Variants in APOL3 observed in about 807,000 individuals in gnomAD.
The protein encoded by APOL3 is TNF-inducible protein CG12-1.
Under a neutral mutation model 11.6 loss-of-function variants are expected in APOL3, and 14 were observed. The observed-to-expected ratio is 1.21, with a 90% CI of 0.80 to 1.89. The LOEUF is 1.89. APOL3 is among the 40% of genes most tolerant of loss of function. APOL3 has a pLI of 0.00. For synonymous variants in APOL3, 192 were observed against 190.6 expected (o/e 1.01, Z -0.06); for missense variants, 483 against 492.1 (o/e 0.98, Z 0.17).
chr22:36,141,647 C>T, exon 3 of APOL3: 1 of 1,614,126 alleles, frequency 6.2e-7, no homozygotes, highest in Admixed American at 1.7e-5. Flanking sequence ...TTGCAGTCAG[C>T]CTGCTGGCTT....
intron 1 of APOL3, among the ~76,000 whole-genome samples, chr22:36,156,271 C>T (rs2012804179): frequency 6.6e-6 from 1 of 152,074 alleles, no homozygotes; most frequent in Non-Finnish European, 1.5e-5. Context: ...TTTTTATTTT[C>T]ATTTTTGCAG....
chr22:36,160,857 G>A (rs1019881482), exon 1 of APOL3: 3 of 1,613,166 alleles, frequency 1.9e-6, no homozygotes, highest in Admixed American at 1.7e-5. Flanking sequence ...TGCAAAACAG[G>A]ATGCTTCCCA....
chr22:36,148,915 G>T, intron 1 of APOL3, 131 bp downstream of exon 2: 1 of 891,116 alleles, frequency 1.1e-6, no homozygotes, highest in East Asian at 5.1e-5. Context: ...GCCTCTTTTG[G>T]GGCTCAGGGA....
chr22:36,157,544 A>G (rs1242529112), intron 1 of APOL3, among the ~76,000 whole-genome samples: 1 of 152,248 alleles, frequency 6.6e-6, no homozygotes, highest in African/African-American at 2.4e-5. Flanking sequence ...AGTTGGGAAG[A>G]CCTTTCGAAT....
intron 1 of APOL3, 24 bp from the exon 3 acceptor site, chr22:36,145,623 G>T (rs777464728): frequency 2.5e-6 from 4 of 1,611,846 alleles, no homozygotes; most frequent in Non-Finnish European, 2.5e-6. Flanking sequence ...AAAAGCATAA[G>T]ATTGGAAGAA....
intron 1 of APOL3, chr22:36,146,551 T>C (rs1178269827): frequency 6.6e-6 from 1 of 151,126 alleles, no homozygotes; most frequent in African/African-American, 2.5e-5. Context: ...TTGAAATATA[T>C]ATAATATATA....
upstream of APOL3, among the ~76,000 whole-genome samples, chr22:36,161,153 G>A (rs1245308643): frequency 1.3e-5 from 2 of 152,108 alleles, no homozygotes; most frequent in East Asian, 1.9e-4. Flanking sequence ...CCGGGTGGAC[G>A]CTTATTGCAT....
intron 1 of APOL3, chr22:36,159,560 T>C (rs1457633842): frequency 6.6e-6 from 1 of 152,250 alleles, no homozygotes; most frequent in Non-Finnish European, 1.5e-5. Context: ...ATCTCATGAT[T>C]GTCAAGCTGG....
chr22:36,151,728 G>A (rs2011716333), intron 1 of APOL3, among the ~76,000 whole-genome samples: 1 of 152,196 alleles, frequency 6.6e-6, no homozygotes, highest in Non-Finnish European at 1.5e-5. Flanking sequence ...GTAAGCAGGA[G>A]AATTCTTTGA....
At chr22:36,147,962 C>T (rs1482924838) in intron 1 of APOL3, among the ~76,000 whole-genome samples, 3 of 152,198 alleles carry the variant, frequency 2.0e-5, no homozygotes, top group Non-Finnish European at 4.4e-5. Context: ...CATGAGCAGC[C>T]AGCTGACAGA....
chr22:36,164,344 C>T (rs1471303992), upstream of APOL3, among the ~76,000 whole-genome samples: 4 of 152,174 alleles, frequency 2.6e-5, no homozygotes, highest in Non-Finnish European at 5.9e-5. Flanking sequence ...ATCCTAGGGT[C>T]GAGCCCACAG....
intron 1 of APOL3, among the ~76,000 whole-genome samples, chr22:36,149,543 C>T (rs1238665742): frequency 6.6e-6 from 1 of 152,220 alleles, no homozygotes; most frequent in African/African-American, 2.4e-5. Flanking sequence ...TACTGGGTGT[C>T]TGTGATCTGC....
chr22:36,165,146 T>C (rs899644248), upstream of APOL3: 2 of 152,046 alleles, frequency 1.3e-5, no homozygotes, highest in African/African-American at 4.8e-5. Flanking sequence ...AGAGGAGTTT[T>C]AACAGCACTG....
chr22:36,148,733 C>T (rs577439381), intron 1 of APOL3, among the ~76,000 whole-genome samples: 1 of 152,274 alleles, frequency 6.6e-6, no homozygotes, highest in South Asian at 2.1e-4. Flanking sequence ...ACCCTGCTCT[C>T]CCCCTACTCC....
chr22:36,147,945 G>A (rs1227026986), intron 1 of APOL3, among the ~76,000 whole-genome samples: 7 of 152,236 alleles, frequency 4.6e-5, no homozygotes, highest in South Asian at 2.1e-4. Context: ...ACTTAACTTC[G>A]GCCAGTCATG....
chr22:36,156,917 G>T (rs1739332860), intron 1 of APOL3: 1 of 455,950 alleles, frequency 2.2e-6, no homozygotes. Flanking sequence ...TGGACTAAAA[G>T]CAACCAGCCT....
chr22:36,156,781 G>A (rs1012474266), intron 1 of APOL3: 7 of 342,848 alleles, frequency 2.0e-5, no homozygotes, highest in Admixed American at 7.2e-5. Context: ...CTGTCTCCCC[G>A]TTAAACTCTG....
exon 3 of APOL3, chr22:36,141,608 C>T: frequency 3.7e-6 from 6 of 1,614,186 alleles, no homozygotes; most frequent in Non-Finnish European, 5.1e-6. Flanking sequence ...GCATAACTTC[C>T]TTAAATACCT....
intron 1 of APOL3, chr22:36,150,107 C>A (rs2060378341): frequency 5.8e-6 from 2 of 347,308 alleles, no homozygotes; most frequent in African/African-American, 4.3e-5. Context: ...CCACTACAAC[C>A]AGCCTAAATA....
Sources: gnomAD v4.1 joint callset for allele counts (sites outside exome capture counted in the v4.1 genomes callset) on GRCh38, gnomAD v4.1.1 for gene constraint, MANE v1.5 for transcripts, NCBI Gene and HGNC (gene_info 2026-07-23, HGNC 2026-07-21) for gene names.